Variants in PTTG1IP2 observed in about 807,000 individuals in gnomAD.
PTTG1IP2 encodes the protein PTTG1IP family member 2.
At chr7:90,491,074 T>A in intron 4 of PTTG1IP2, among the ~76,000 whole-genome samples, 1 of 152,206 alleles carries the variant, frequency 6.6e-6, no homozygotes, top group East Asian at 1.9e-4. Context: ...TGACTTTTTC[T>A]TTTAAAAAAA....
At chr7:90,506,608 A>AT (rs554198607) in intron 6 of PTTG1IP2, among the ~76,000 whole-genome samples, 159 of 152,084 alleles carry the variant, frequency 1.0e-3, no homozygotes, top group African/African-American at 3.7e-3. Context: ...ACTAAAAAAA[A>AT]TTTTTTTAAT....
At chr7:90,496,174 G>T (rs1031561072) in intron 6 of PTTG1IP2, among the ~76,000 whole-genome samples, 8 of 152,180 alleles carry the variant, frequency 5.3e-5, no homozygotes, top group African/African-American at 1.9e-4. Flanking sequence ...CTCATTAAAT[G>T]CATTGAGAAG....
At chr7:90,506,272 C>T (rs1046687447) in intron 6 of PTTG1IP2, among the ~76,000 whole-genome samples, 2 of 151,480 alleles carry the variant, frequency 1.3e-5, no homozygotes, top group Non-Finnish European at 2.9e-5. Context: ...ACAATTTTTT[C>T]CAACTAAATC....
intron 6 of PTTG1IP2, among the ~76,000 whole-genome samples, chr7:90,512,179 C>T (rs1324259328): frequency 1.3e-5 from 2 of 152,122 alleles, no homozygotes; most frequent in Admixed American, 1.3e-4. Flanking sequence ...GAGCTTTTGC[C>T]TTGTGCCAGG....
At chr7:90,486,336 A>G (rs1208927112) in intron 2 of PTTG1IP2, among the ~76,000 whole-genome samples, 1 of 151,826 alleles carries the variant, frequency 6.6e-6, no homozygotes, top group Non-Finnish European at 1.5e-5. Context: ...AGTGGACATA[A>G]TAGTACCTAG....
At chr7:90,495,342 CAT>C (rs1797981041) in intron 6 of PTTG1IP2, among the ~76,000 whole-genome samples, 1 of 152,206 alleles carries the variant, frequency 6.6e-6, no homozygotes, top group Non-Finnish European at 1.5e-5. Context: ...ACTTAAAGTT[CAT>C]CCTACCCAAC....
At chr7:90,489,501 C>T (rs966107118) in intron 4 of PTTG1IP2, among the ~76,000 whole-genome samples, 1 of 151,778 alleles carries the variant, frequency 6.6e-6, no homozygotes, top group African/African-American at 2.4e-5. Context: ...CAATCCTTCT[C>T]CTGTTACACA....
intron 2 of PTTG1IP2, among the ~76,000 whole-genome samples, chr7:90,480,121 C>A (rs867237923): frequency 1.3e-5 from 2 of 152,170 alleles, no homozygotes; most frequent in African/African-American, 4.8e-5. Flanking sequence ...GGTCTAGATA[C>A]GTGACCTGCC....
At chr7:90,510,322 A>T (rs1471721188) in intron 6 of PTTG1IP2, among the ~76,000 whole-genome samples, 1 of 152,092 alleles carries the variant, frequency 6.6e-6, no homozygotes, top group Non-Finnish European at 1.5e-5. Flanking sequence ...GTGCAAATTG[A>T]CTCCTTATAA....
intron 2 of PTTG1IP2, among the ~76,000 whole-genome samples, chr7:90,485,578 G>A (rs906959204): frequency 2.0e-5 from 3 of 152,184 alleles, no homozygotes; most frequent in East Asian, 3.9e-4. Flanking sequence ...TTCCAAGTCT[G>A]TAATACATTG....
intron 6 of PTTG1IP2, among the ~76,000 whole-genome samples, chr7:90,511,908 G>A (rs139459987): frequency 6.6e-6 from 1 of 152,320 alleles, no homozygotes; most frequent in East Asian, 1.9e-4. Context: ...ACAGATCACT[G>A]TGTTCCTTCC....
chr7:90,508,325 C>T (rs183189468), intron 6 of PTTG1IP2, among the ~76,000 whole-genome samples: 1 of 151,082 alleles, frequency 6.6e-6, no homozygotes, highest in Admixed American at 6.6e-5. Context: ...CCATGTTAGG[C>T]ACCTAAGAGT....
At chr7:90,504,864 T>A (rs1798106936) in intron 6 of PTTG1IP2, among the ~76,000 whole-genome samples, 1 of 152,248 alleles carries the variant, frequency 6.6e-6, no homozygotes, top group African/African-American at 2.4e-5. Context: ...TTATTAATCT[T>A]GTCATGCTTG....
intron 4 of PTTG1IP2, among the ~76,000 whole-genome samples, chr7:90,490,588 T>C (rs777154845): frequency 3.9e-5 from 6 of 152,142 alleles, no homozygotes; most frequent in Non-Finnish European, 7.4e-5. Flanking sequence ...AAGGTATTCC[T>C]TATTTTTCCC....
chr7:90,492,847 T>C (rs1226019157), intron 5 of PTTG1IP2, among the ~76,000 whole-genome samples: 2 of 152,146 alleles, frequency 1.3e-5, no homozygotes, highest in Non-Finnish European at 2.9e-5. Context: ...ATCTACCTAG[T>C]TCCTTGGCTA....
intron 6 of PTTG1IP2, among the ~76,000 whole-genome samples, chr7:90,510,913 A>G (rs1034755811): frequency 6.6e-6 from 1 of 152,184 alleles, no homozygotes; most frequent in African/African-American, 2.4e-5. Flanking sequence ...GGAAAATACC[A>G]CTGTAATTAA....
intron 6 of PTTG1IP2, among the ~76,000 whole-genome samples, chr7:90,511,676 C>T (rs531038391): frequency 6.6e-6 from 1 of 152,288 alleles, no homozygotes; most frequent in South Asian, 2.1e-4. Flanking sequence ...TCTGGAATTG[C>T]CAGCTCGCTT....
intron 6 of PTTG1IP2, among the ~76,000 whole-genome samples, chr7:90,508,517 A>T (rs1309601715): frequency 6.6e-6 from 1 of 152,098 alleles, no homozygotes; most frequent in Admixed American, 6.5e-5. Context: ...TAAACAGTAG[A>T]CATGAAGGTG....
intron 6 of PTTG1IP2, among the ~76,000 whole-genome samples, chr7:90,506,774 G>C (rs1023598123): frequency 2.6e-5 from 4 of 152,074 alleles, no homozygotes; most frequent in Non-Finnish European, 5.9e-5. Context: ...CTCAAAAAAA[G>C]TTATATTCTT....
Sources: allele counts gnomAD v4.1 joint callset (sites outside exome capture counted in the v4.1 genomes callset), GRCh38; gene constraint gnomAD v4.1.1; transcripts MANE v1.5; gene names NCBI Gene and HGNC (gene_info 2026-07-23, HGNC 2026-07-21).